Variants in GIGYF1 observed in about 807,000 individuals in gnomAD.
The protein encoded by GIGYF1 is GRB10-interacting GYF protein 1.
A neutral mutation model predicts 147.1 loss-of-function variants in GIGYF1; 84 were observed. That is an observed-to-expected ratio of 0.57 (90% CI 0.48 to 0.68). GIGYF1 has a LOEUF of 0.68. GIGYF1 is among the 30% of genes least tolerant of loss of function. The pLI, the probability that GIGYF1 is intolerant of heterozygous loss-of-function variation, is 0.00. For missense variants in GIGYF1, 1,485 were observed against 1,393.7 expected (o/e 1.07, Z -1.04); for synonymous variants, 752 against 589.5 (o/e 1.28, Z -3.99).
rs1584500729 is a variant in GIGYF1 at position 100,686,255 on chromosome 7, G to A, written c.873C>T (p.Leu291=). The change falls in exon 11 of 27, where the codon CTC becomes CTT. Residue 291 remains leucine, a synonymous_variant. Coordinates refer to ENST00000678049, the MANE Select transcript of GIGYF1 (RefSeq NM_001375765.1). ...CCTCATCGTCCAGGCACCACTCTGG[G>A]AGCCCATCCTTGTCCTCCTCAAAGC... is the stretch of plus-strand genomic sequence containing the variant. ...PEGFEEDKDG[L]PEWCLDDEDE... 2.5e-6 allele frequency: 4 copies of A among 1,614,000 alleles called. No individual in the cohort carries two copies. In the East Asian group the frequency reaches 8.9e-5, roughly 36 times the overall value.
At chr7:100,687,263 G>A (rs1324327746) in intron 8 of GIGYF1, 35 bp downstream of exon 8, 1 of 1,583,136 alleles carries the variant, frequency 6.3e-7, no homozygotes, top group Non-Finnish European at 8.7e-7. Context: ...TCCCTGGCCT[G>A]CCCGGCTCTG....
rs769598161 is a variant in GIGYF1 at position 100,687,336 on chromosome 7, G to A, written c.444C>T (p.Ser148=). 3.1e-6 allele frequency: 5 copies of A among 1,613,172 alleles called. No individual in the cohort carries two copies. The highest frequency in any genetic ancestry group is 2.7e-5 in the African/African-American group (2 of 74,936). ...TCTGGCTGCGCTGGATTTCCCGGGG[G>A]CTTCGTCCAAAGGCCCCATCGCCTT... The part of the protein sequence containing the change: ...IEEGDGAFGR[S]PREIQRSQSW... The change falls in exon 8 of 27, where the codon AGC becomes AGT. Residue 148 remains serine (S), a synonymous_variant. Transcript: ENST00000678049.
chr7:100,687,142 TGGAG>T (rs1257602140), intron 8 of GIGYF1, 96 bp from the exon 9 acceptor site: 4 of 1,549,606 alleles, frequency 2.6e-6, no homozygotes, highest in African/African-American at 1.4e-5. Context: ...CCTGAGGCAG[TGGAG>T]GGAGGAAGGG....
In GIGYF1 at chr7:100,686,963, GTCCT is replaced by G; in HGVS notation, c.523+39_523+42del. 3 of 1,612,064 alleles carry G rather than the reference GTCCT, an allele frequency of 1.9e-6. No homozygotes were observed. The African/African-American group carries it at 4.0e-5, about 21-fold the overall frequency. ...CCCCCAGACTGGGCCACCCATCTTG[GTCCT>G]CCCTGCCGCCCCGGCCGCCGCCCTC... On this transcript the variant is annotated intron_variant, in intron 9 of 26. Transcript: ENST00000678049.
chr7:100,684,438 G>A lies in GIGYF1; in HGVS notation c.1629+12C>T. 1 of 1,611,864 alleles carries A rather than the reference G, an allele frequency of 6.2e-7. No homozygotes were observed. The highest frequency in any genetic ancestry group is 8.5e-7 in the Non-Finnish European group (1 of 1,179,864). On this transcript the variant is annotated intron_variant, in intron 16 of 26. Transcript: ENST00000678049. ...ACACCCTGTCCCTCCATGCAGGGGAGAAGCGGCTCACCAGCAGTGGGGGAG... is the reference window on the plus strand; with the variant it reads ...ACACCCTGTCCCTCCATGCAGGGGAAAAGCGGCTCACCAGCAGTGGGGGAG...
At position 100,682,752 on chromosome 7, in the gene GIGYF1, G is replaced by T. The variant is rs761657883; in HGVS notation, c.2438C>A (p.Pro813His). 1 of 1,537,574 alleles carries T rather than the reference G, an allele frequency of 6.5e-7. No homozygotes were observed. Among genetic ancestry groups the T allele is most frequent in the Non-Finnish European group, 8.7e-7 (1 of 1,144,266 alleles). The change falls in exon 23 of 27, where the codon CCC becomes CAC. Residue 813 changes from proline (P) to histidine (H), a missense_variant. Physicochemically the swap from Pro to His is moderately conservative, Grantham distance 77. Coordinates refer to ENST00000678049, the MANE Select transcript of GIGYF1 (RefSeq NM_001375765.1). ...RVQLGGLGTA[P>H]LNQWVSEAGP... Reference sequence around the variant, plus strand: ...AGCCTCAGACACCCACTGGTTCAGGGGGGCAGTGCCCAGGCCCCCAAGCTG... The same window carrying T: ...AGCCTCAGACACCCACTGGTTCAGGTGGGCAGTGCCCAGGCCCCCAAGCTG...
At chr7:100,684,420 GT>G in intron 16 of GIGYF1, 29 bp downstream of exon 16, 1 of 1,610,502 alleles carries the variant, frequency 6.2e-7, no homozygotes, top group Non-Finnish European at 8.5e-7. Context: ...CTCACACCCT[GT>G]CCCTCCATGC....
At chr7:100,685,179 G>A (rs1355782565) in intron 13 of GIGYF1, 33 bp from the exon 14 acceptor site, 5 of 1,540,908 alleles carry the variant, frequency 3.2e-6, no homozygotes, top group Non-Finnish European at 3.5e-6. Context: ...TGGAAAGAAG[G>A]GCGGGGAGGA....
In GIGYF1 at chr7:100,688,011, T is replaced by C; in HGVS notation, c.135A>G (p.Glu45=). ...KLADYRYGRE[E]MLALYVKENK... ...TCTCCTTGACGTAGAGAGCCAGCAT[T>C]TCCTCTCGCCCATAACGGTAGTCAG... The change falls in exon 5 of 27, where the codon GAA becomes GAG. Residue 45 remains glutamate, a synonymous_variant. Transcript: ENST00000678049. The C allele has an allele frequency of 6.2e-7, 1 of 1,613,288 alleles. No homozygotes were observed. The highest frequency in any genetic ancestry group is 1.1e-5 in the South Asian group (1 of 90,988).
chr7:100,685,291 C>T, intron 13 of GIGYF1, 53 bp downstream of exon 13: 1 of 1,543,882 alleles, frequency 6.5e-7, no homozygotes, highest in Non-Finnish European at 8.7e-7. Context: ...GTGGGGAGCA[C>T]TTTCTCCCAC....
rs1221266224 is a variant in GIGYF1 at position 100,683,159 on chromosome 7, G to A, written c.2265C>T (p.Ser755=). 2.5e-6 allele frequency: 4 copies of A among 1,601,744 alleles called. No individual in the cohort carries two copies. The African/African-American group carries it at 5.3e-5, about 21-fold the overall frequency. ...GGCCAGCCCAGAGTGGGGGCGGGGA[G>A]CTGGGTGCGGGGGGCACAGGGACCG... ...QQAVPVPPAP[S]SPPPLWAGLA... Residue 755 remains serine (S), a synonymous_variant, in exon 22 of 27, where the codon AGC becomes AGT. Transcript: ENST00000678049.
chr7:100,693,114 G>C (rs923956098), intron 1 of GIGYF1, among the ~76,000 whole-genome samples: 1 of 152,042 alleles, frequency 6.6e-6, no homozygotes, highest in Admixed American at 6.6e-5. Context: ...AGGCAGGAGG[G>C]AAGTAAGGCT....
At position 100,685,884 on chromosome 7, in the gene GIGYF1, A is replaced by C; in HGVS notation, c.1054+90T>G. 9.8e-6 allele frequency: 10 copies of C among 1,021,686 alleles called. No individual in the cohort carries two copies. The South Asian group carries it at 1.4e-4, about 14-fold the overall frequency. The allele number at this position is 1,021,686 out of a possible 1,614,324, so 63.3% of individuals were successfully genotyped here. ...CCAGATCTAAGTAGCCTGATTCTACAGGTAGGTGGGCAGCCAATGCCCAGC... is the reference window on the plus strand; with the variant it reads ...CCAGATCTAAGTAGCCTGATTCTACCGGTAGGTGGGCAGCCAATGCCCAGC... On this transcript the variant is annotated intron_variant, in intron 12 of 26. Coordinates refer to ENST00000678049, the MANE Select transcript of GIGYF1 (RefSeq NM_001375765.1).
chr7:100,686,947 T>C (rs1200197785), intron 9 of GIGYF1, 59 bp downstream of exon 9: 23 of 1,607,678 alleles, frequency 1.4e-5, no homozygotes, highest in Middle Eastern at 3.3e-4. Context: ...ACCCCCAGAC[T>C]GGGCCACCCA....
chr7:100,686,887 T>TG (rs35436931), intron 9 of GIGYF1, 68 bp from the exon 10 acceptor site: 9 of 1,599,304 alleles, frequency 5.6e-6, no homozygotes, highest in Non-Finnish European at 6.8e-6. Flanking sequence ...CAAGAAACGT[T>TG]GGGGGGGCCA....
chr7:100,682,914 ACTGGGG>A (rs1804925450), intron 22 of GIGYF1, 92 bp downstream of exon 22: 1 of 1,280,664 alleles, frequency 7.8e-7, no homozygotes, highest in African/African-American at 1.5e-5. Flanking sequence ...AGAGGCTGGG[ACTGGGG>A]CTGGGGCTGC....
Position 100,684,278 on chromosome 7 carries a change from G to C in GIGYF1, c.1689C>G (p.Tyr563Ter), listed in dbSNP as rs1177110025. ...GAAACTGCTGGTGCTGCAGCTGCTG[G>C]TACAAGGCCGCCGCGGCCAGCTCCT... ...KQQELAAAAL[Y>*]QQLQHQQFLQ... The change falls in exon 17 of 27, where the codon TAC (tyrosine) becomes TAG (stop). Residue 563 changes from tyrosine to a stop codon, truncating the protein, a stop_gained. Transcript: ENST00000678049. LOFTEE classifies it high-confidence loss of function. 1 of 1,607,650 alleles carries C rather than the reference G, an allele frequency of 6.2e-7. No individual in the cohort carries two copies.
chr7:100,682,765 G>A lies in GIGYF1; in HGVS notation c.2425C>T (p.Leu809=), dbSNP rs765826980. 1.3e-6 allele frequency: 2 copies of A among 1,527,536 alleles called. No homozygotes were observed. Among genetic ancestry groups the A allele is most frequent in the South Asian group, 1.3e-5 (1 of 77,362 alleles). 94.6% of individuals were successfully genotyped at this position (1,527,536 alleles called of 1,614,324 possible). ...APNHRVQLGG[L]GTAPLNQWVS... ...CACTGGTTCAGGGGGGCAGTGCCCA[G>A]GCCCCCAAGCTGCTACAGATGGCAG... Residue 809 remains leucine, a synonymous_variant, in exon 23 of 27, where the codon CTG becomes TTG. Coordinates refer to ENST00000678049, the MANE Select transcript of GIGYF1 (RefSeq NM_001375765.1).
At position 100,679,862 on chromosome 7, in the gene GIGYF1, G is replaced by A. The variant is rs886824451; in HGVS notation, c.*1857C>T. The stretch of plus-strand genomic sequence containing the variant: ...GGCTCATGGGCCCCCTAAGTCCAAA[G>A]TCTCTTTAGCTGGGGAGAAGAGACA... On this transcript the variant is annotated 3_prime_UTR_variant, in exon 27 of 27. Coordinates refer to ENST00000678049, the MANE Select transcript of GIGYF1 (RefSeq NM_001375765.1). The A allele has an allele frequency of 2.6e-5, 4 of 152,594 alleles. No individual in the cohort carries two copies. Among genetic ancestry groups the A allele is most frequent in the African/African-American group, 9.7e-5 (4 of 41,410 alleles). 9.5% of individuals were successfully genotyped at this position (152,594 alleles called of 1,614,324 possible).
Sources: allele counts gnomAD v4.1 joint callset (sites outside exome capture counted in the v4.1 genomes callset), GRCh38; gene constraint gnomAD v4.1.1; transcripts MANE v1.5; gene names NCBI Gene and HGNC (gene_info 2026-07-23, HGNC 2026-07-21).